The following CHSY1 variants were observed in gnomAD, a reference collection of about 807,000 sequenced individuals.
CHSY1 encodes the protein chondroitin sulfate synthase 1, also known as N-acetylgalactosaminyl-proteoglycan 3-beta-glucuronosyltransferase 1.
A neutral mutation model predicts 59.8 loss-of-function variants in CHSY1; 13 were observed. The observed-to-expected ratio is 0.22, with a 90% CI of 0.14 to 0.35. CHSY1 has a LOEUF of 0.35. Among genes scored for constraint, CHSY1 ranks in the 10% least tolerant of loss-of-function variants. The pLI is 1.00. For missense variants in CHSY1, 947 were observed against 1,030.6 expected (o/e 0.92, Z 1.11); for synonymous variants, 459 against 401.2 (o/e 1.14, Z -1.72).
intron 2 of CHSY1, among the ~76,000 whole-genome samples, chr15:101,225,304 G>C (rs966197002): frequency 1.3e-5 from 2 of 152,094 alleles, no homozygotes; most frequent in South Asian, 2.1e-4. Context: ...CTGGGCTCAA[G>C]TGATTCTCCC....
chr15:101,232,160 A>G (rs938606236), intron 2 of CHSY1, among the ~76,000 whole-genome samples: 1 of 152,240 alleles, frequency 6.6e-6, no homozygotes, highest in Non-Finnish European at 1.5e-5. Flanking sequence ...ACTCGCCAAA[A>G]AAAACACTAT....
intron 2 of CHSY1, among the ~76,000 whole-genome samples, chr15:101,207,546 G>A (rs2038639032): frequency 6.6e-6 from 1 of 151,960 alleles, no homozygotes; most frequent in African/African-American, 2.4e-5. Flanking sequence ...AAACACTCAA[G>A]TGCCTCATAT....
intron 2 of CHSY1, among the ~76,000 whole-genome samples, chr15:101,191,145 T>C (rs1363316813): frequency 6.6e-6 from 1 of 152,224 alleles, no homozygotes; most frequent in Non-Finnish European, 1.5e-5. Context: ...TTGTTCATAA[T>C]TGCCAAAACT....
chr15:101,226,537 C>A (rs902252585), intron 2 of CHSY1, among the ~76,000 whole-genome samples: 1 of 152,060 alleles, frequency 6.6e-6, no homozygotes, highest in Non-Finnish European at 1.5e-5. Flanking sequence ...GCATTCCCTG[C>A]CTCCCCTCAA....
rs1340541061 is a variant in CHSY1, at chr15:101,235,116, C to T, written c.782G>A (p.Arg261Lys). ...CCAGACACACTGCACCCCTGCAAACCTCCGGACACACCTTCCCACCTCCAC... is the reference window on the plus strand; with the variant it reads ...CCAGACACACTGCACCCCTGCAAACTTCCGGACACACCTTCCCACCTCCAC... Reference protein sequence around the residue: ...EDVEVGRCVRRFAGVQCVWSY... With the variant: ...EDVEVGRCVRKFAGVQCVWSY... Residue 261 changes from arginine to lysine, a missense_variant, in exon 2 of 3, where the codon AGG (arginine) becomes AAG (lysine). Physicochemically the swap from Arg to Lys is conservative, Grantham distance 26. Around this residue, in one of 4 missense-constraint regions of CHSY1, gnomAD observed 602 missense variants for 676.9 expected, o/e 0.89. Coordinates refer to ENST00000254190, the MANE Select transcript of CHSY1 (RefSeq NM_014918.5). 2.5e-6 allele frequency: 4 copies of T among 1,614,082 alleles called. No individual in the cohort carries two copies. The highest frequency in any genetic ancestry group is 3.4e-6 in the Non-Finnish European group (4 of 1,180,014).
intron 2 of CHSY1, among the ~76,000 whole-genome samples, chr15:101,201,112 G>A (rs1421940376): frequency 3.3e-5 from 5 of 152,000 alleles, no homozygotes; most frequent in South Asian, 2.1e-4. Context: ...AGGTGGGGGC[G>A]GTGCGGGGGG....
At position 101,194,596 on chromosome 15, in the gene CHSY1, G is replaced by A. The variant is rs141195334; in HGVS notation, c.817-15616C>T. On this transcript the variant is annotated intron_variant, in intron 2 of 2. Transcript: ENST00000254190. ...GCTACATAATAATCAGGTGCTGAAC[G>A]GAAGAGGATGCGACAGCTGCTTCTG... is the stretch of plus-strand genomic sequence containing the variant. Among the ~76,000 whole-genome samples, 5 of 152,276 alleles carry A rather than the reference G, an allele frequency of 3.3e-5. No individual in the cohort carries two copies. In the East Asian group the frequency reaches 5.8e-4, roughly 18 times the overall value.
chr15:101,227,990 C>CA (rs879650120), intron 2 of CHSY1, among the ~76,000 whole-genome samples: 93 of 138,554 alleles, frequency 6.7e-4, no homozygotes, highest in African/African-American at 9.0e-4. Context: ...GTCTAGTTTC[C>CA]AAAAAAAAAA....
At chr15:101,211,053 G>A (rs1406290164) in intron 2 of CHSY1, among the ~76,000 whole-genome samples, 1 of 152,246 alleles carries the variant, frequency 6.6e-6, no homozygotes. Context: ...GCTGGGCACA[G>A]TGGCTCAGGC....
chr15:101,188,160 A>T, intron 2 of CHSY1: 1 of 985,420 alleles, frequency 1.0e-6, no homozygotes, highest in South Asian at 4.7e-5. Flanking sequence ...ACAACTTCCC[A>T]TTCGGACTTA....
chr15:101,231,435 C>T (rs117450417), intron 2 of CHSY1, among the ~76,000 whole-genome samples: 3 of 152,116 alleles, frequency 2.0e-5, no homozygotes, highest in Non-Finnish European at 1.5e-5. Context: ...GCCCAGGGGC[C>T]GGAGGCAGAG....
At chr15:101,237,707 A>G (rs2038960979) in intron 1 of CHSY1, among the ~76,000 whole-genome samples, 1 of 152,248 alleles carries the variant, frequency 6.6e-6, no homozygotes, top group South Asian at 2.1e-4. Context: ...GAAGGCTATC[A>G]TATCGCACTT....
chr15:101,205,658 T>G (rs1238276729), intron 2 of CHSY1, among the ~76,000 whole-genome samples: 2 of 152,128 alleles, frequency 1.3e-5, no homozygotes, highest in Non-Finnish European at 2.9e-5. Flanking sequence ...AATTTTAATT[T>G]TGAAGATTGT....
intron 2 of CHSY1, among the ~76,000 whole-genome samples, chr15:101,224,463 A>G (rs1458170958): frequency 2.0e-5 from 3 of 152,236 alleles, no homozygotes; most frequent in Non-Finnish European, 4.4e-5. Context: ...CCACACATCC[A>G]TAACATCACT....
chr15:101,183,405 C>T (rs568252972), intron 2 of CHSY1, among the ~76,000 whole-genome samples: 5 of 152,286 alleles, frequency 3.3e-5, no homozygotes, highest in African/African-American at 1.2e-4. Context: ...GCACCGGACA[C>T]AGATAACACC....
At chr15:101,240,081 A>T (rs2038987433) in intron 1 of CHSY1, among the ~76,000 whole-genome samples, 2 of 152,234 alleles carry the variant, frequency 1.3e-5, no homozygotes, top group Non-Finnish European at 1.5e-5. Context: ...CTTTTTAGGT[A>T]ACTCAGGGAA....
chr15:101,182,638 C>T (rs1424059967), intron 2 of CHSY1, among the ~76,000 whole-genome samples: 1 of 152,216 alleles, frequency 6.6e-6, no homozygotes, highest in Non-Finnish European at 1.5e-5. Context: ...TCATATCCCA[C>T]TTGTGTCCCA....
intron 2 of CHSY1, among the ~76,000 whole-genome samples, chr15:101,224,228 A>G (rs1177378203): frequency 1.3e-5 from 2 of 152,250 alleles, no homozygotes; most frequent in African/African-American, 4.8e-5. Flanking sequence ...TAAGTAACAC[A>G]TTACTGCATC....
chr15:101,208,286 T>C (rs905013768), intron 2 of CHSY1, among the ~76,000 whole-genome samples: 7 of 151,956 alleles, frequency 4.6e-5, no homozygotes, highest in Non-Finnish European at 1.0e-4. Flanking sequence ...CTTCTAAATG[T>C]TTTCCACTAA....
Sources: gnomAD v4.1 joint callset for allele counts (sites outside exome capture counted in the v4.1 genomes callset) on GRCh38, gnomAD v4.1.1 for gene constraint, gnomAD v4.1.1 regional missense constraint, MANE v1.5 for transcripts, NCBI Gene and HGNC (gene_info 2026-07-23, HGNC 2026-07-21) for gene names.